HEPN1: variants seen among roughly 807,000 people sequenced by gnomAD.
The protein encoded by HEPN1 is protein HEPN1.
For synonymous variants in HEPN1, 46 were observed against 41.2 expected, an observed-to-expected ratio of 1.12 and a Z score of -0.45; for missense variants, 97 against 103.3, an observed-to-expected ratio of 0.94 and a Z score of 0.26.
chr11:124,920,136 C>T, exon 1 of HEPN1: 1 of 1,141,206 alleles, frequency 8.8e-7, no homozygotes, highest in East Asian at 2.4e-5. Flanking sequence ...AGCAATAAGC[C>T]TCCTCCTCCC....
Position 124,919,638 on chromosome 11 carries a change from G to C in HEPN1, c.-113G>C. 3.2e-6 allele frequency: 4 copies of C among 1,243,886 alleles called. No homozygotes were observed. The South Asian group carries it at 4.4e-5, about 14-fold the overall frequency. 77.1% of individuals were successfully genotyped at this position (1,243,886 alleles called of 1,614,324 possible). Reference sequence around the variant, plus strand: ...CCTGCTCAAATGAGCCTGGGGAAGTGCCGAGGGACAGGGAGCTGAGACAGG... The same window carrying C: ...CCTGCTCAAATGAGCCTGGGGAAGTCCCGAGGGACAGGGAGCTGAGACAGG... On this transcript the variant is annotated 5_prime_UTR_variant, in exon 1 of 1. Transcript: ENST00000408930.
exon 1 of HEPN1, chr11:124,920,552 G>C (rs1458772714): frequency 8.8e-6 from 12 of 1,370,928 alleles, no homozygotes; most frequent in Non-Finnish European, 1.2e-5. Context: ...GCCCAGGGAA[G>C]AAGGCCTTCA....
exon 1 of HEPN1, chr11:124,919,651 G>A (rs1415677241): frequency 5.1e-6 from 7 of 1,367,840 alleles, no homozygotes; most frequent in Non-Finnish European, 6.0e-6. Context: ...GAGGGACAGG[G>A]AGCTGAGACA....
At chr11:124,920,288 C>T (rs1185977366) in exon 1 of HEPN1, 1 of 1,100,530 alleles carries the variant, frequency 9.1e-7, no homozygotes, top group African/African-American at 1.6e-5. Flanking sequence ...TAAAACAGTT[C>T]CTCATTTGGT....
chr11:124,919,442 C>T (rs1033822977), exon 1 of HEPN1: 1 of 367,978 alleles, frequency 2.7e-6, no homozygotes, highest in African/African-American at 2.0e-5. Context: ...CAGGGTATGG[C>T]ATGTTCTCAT....
At chr11:124,920,283 C>T (rs936776766) in exon 1 of HEPN1, 21 of 1,066,498 alleles carry the variant, frequency 2.0e-5, no homozygotes, top group Non-Finnish European at 2.6e-5. Context: ...TGAGCTAAAA[C>T]AGTTCCTCAT....
In HEPN1 at chr11:124,920,469, C is replaced by T. The variant is rs550181692; in HGVS notation, c.*452C>T. 1.0e-4 allele frequency: 154 copies of T among 1,539,718 alleles called. 4 individuals are homozygous for T. The South Asian group carries it at 1.6e-3, about 16-fold the overall frequency. On this transcript the variant is annotated 3_prime_UTR_variant, in exon 1 of 1. Transcript: ENST00000408930. Reference sequence around the variant, plus strand: ...GGCTCGGGTTCTTTGCCCTTGCTAGCGCCCAGGTCAGAGGGAAAAGGAATG... The same window carrying T: ...GGCTCGGGTTCTTTGCCCTTGCTAGTGCCCAGGTCAGAGGGAAAAGGAATG...
exon 1 of HEPN1, chr11:124,920,106 G>T (rs1453789662): frequency 2.8e-6 from 4 of 1,418,424 alleles, no homozygotes; most frequent in Non-Finnish European, 3.9e-6. Flanking sequence ...GTTGGATCAT[G>T]TTCCCCCCAA....
exon 1 of HEPN1, chr11:124,920,043 C>G: frequency 6.2e-7 from 1 of 1,603,084 alleles, no homozygotes. Flanking sequence ...TTTTTCTGTG[C>G]CCTGGGACCT....
chr11:124,919,910 C>T (rs938319629), exon 1 of HEPN1: 1 of 1,614,128 alleles, frequency 6.2e-7, no homozygotes, highest in East Asian at 2.2e-5. Flanking sequence ...TGCCCTCTCT[C>T]CTCACACAGT....
exon 1 of HEPN1, chr11:124,920,167 T>G (rs1037383882): frequency 5.2e-6 from 5 of 961,856 alleles, no homozygotes; most frequent in Non-Finnish European, 4.7e-6. Context: ...CTCTGGAGAT[T>G]AGGACTTATT....
exon 1 of HEPN1, chr11:124,920,502 A>C (rs1346904095): frequency 6.7e-7 from 1 of 1,490,950 alleles, no homozygotes; most frequent in Non-Finnish European, 9.0e-7. Flanking sequence ...ATGTACTCGT[A>C]CCCTTCCCTC....
exon 1 of HEPN1, chr11:124,920,616 G>A: frequency 1.9e-6 from 2 of 1,066,840 alleles, no homozygotes; most frequent in South Asian, 3.1e-5. Flanking sequence ...CCGGCATCTG[G>A]CTTCTCCTTA....
exon 1 of HEPN1, chr11:124,919,993 C>G: frequency 6.2e-7 from 1 of 1,613,142 alleles, no homozygotes. Context: ...AGCGGCCCAG[C>G]CTCTTTATTT....
exon 1 of HEPN1, chr11:124,920,307 C>T (rs115556036): frequency 1.7e-5 from 22 of 1,289,202 alleles, no homozygotes; most frequent in African/African-American, 3.0e-5. Flanking sequence ...GTCTAGTTTT[C>T]GGGCCAGGGG....
exon 1 of HEPN1, chr11:124,919,916 A>T: frequency 6.2e-7 from 1 of 1,614,056 alleles, no homozygotes; most frequent in Non-Finnish European, 8.5e-7. Context: ...CTCTCCTCAC[A>T]CAGTAGATTA....
Position 124,920,041 on chromosome 11 carries a change from T to C in HEPN1, c.*24T>C, listed in dbSNP as rs533937460. 185 of 1,605,310 alleles carry C rather than the reference T, an allele frequency of 1.2e-4. 3 individuals carry two copies. In the South Asian group the frequency reaches 1.9e-3, roughly 16 times the overall value. On this transcript the variant is annotated 3_prime_UTR_variant, in exon 1 of 1. Coordinates refer to ENST00000408930, the Ensembl canonical transcript of HEPN1. Reference sequence around the variant, plus strand: ...GATTAGGGAGTCTGCCCTTTTTCTGTGCCCTGGGACCTGAGCATGTGGGAG... The same window carrying C: ...GATTAGGGAGTCTGCCCTTTTTCTGCGCCCTGGGACCTGAGCATGTGGGAG...
At chr11:124,920,338 C>G (rs1947110137) in exon 1 of HEPN1, 2 of 1,480,888 alleles carry the variant, frequency 1.4e-6, no homozygotes, top group Admixed American at 4.2e-5. Context: ...ATTCACTTCT[C>G]TATAAGAATA....
chr11:124,920,336 C>T, exon 1 of HEPN1: 1 of 1,473,210 alleles, frequency 6.8e-7, no homozygotes, highest in Non-Finnish European at 9.2e-7. Flanking sequence ...AAATTCACTT[C>T]TCTATAAGAA....
Sources: gnomAD v4.1 joint callset for allele counts on GRCh38, gnomAD v4.1.1 for gene constraint, MANE v1.5 for transcripts, NCBI Gene and HGNC (gene_info 2026-07-23, HGNC 2026-07-21) for gene names.